The following FZR1 variants were observed in gnomAD, a reference collection of about 807,000 sequenced individuals.
FZR1 encodes the protein fizzy and cell division cycle 20 related 1.
Under a neutral mutation model 63.6 loss-of-function variants are expected in FZR1, and 11 were observed. The ratio of observed to expected loss-of-function variants is 0.17; its 90% CI spans 0.11 to 0.29. FZR1 has a LOEUF of 0.29. Ranked by LOEUF, FZR1 falls within the 10% of genes least tolerant of loss-of-function variation. FZR1 has a pLI of 1.00. For synonymous variants in FZR1, 328 were observed against 297.9 expected (o/e 1.10, Z -1.04); for missense variants, 440 against 687.5 (o/e 0.64, Z 4.03).
At position 3,508,587 on chromosome 19, in the gene FZR1, A is replaced by C. The variant is rs1276360991; in HGVS notation, c.-35+2113A>C. Among the ~76,000 whole-genome samples, 5 of 152,294 alleles carry C rather than the reference A, an allele frequency of 3.3e-5. No homozygotes were observed. In the East Asian group the frequency reaches 9.6e-4, roughly 29 times the overall value. On this transcript the variant is annotated intron_variant, in intron 1 of 13. Coordinates refer to ENST00000441788, the MANE Select transcript of FZR1 (RefSeq NM_016263.4). ...GAACTTCTGGGTTTGGGAGTCCCAG[A>C]ATGGAATTGGTTCTGAGGACCTTTT... is the stretch of plus-strand genomic sequence containing the variant.
At chr19:3,530,424 A>G (rs1489455598) in intron 7 of FZR1, among the ~76,000 whole-genome samples, 1 of 72,428 alleles carries the variant, frequency 1.4e-5, no homozygotes, top group Non-Finnish European at 3.0e-5. Flanking sequence ...GGGAGAGCGC[A>G]TGGGAGAGCG....
At chr19:3,530,703 TG>T in intron 7 of FZR1, 88 bp from the exon 8 acceptor site, 1 of 906,926 alleles carries the variant, frequency 1.1e-6, no homozygotes, top group Non-Finnish European at 1.8e-6. Flanking sequence ...TGAGAGTGGA[TG>T]GGTGAGACAG....
intron 1 of FZR1, among the ~76,000 whole-genome samples, chr19:3,510,974 A>G (rs146998296): frequency 3.3e-5 from 5 of 152,286 alleles, no homozygotes; most frequent in African/African-American, 1.2e-4. Flanking sequence ...CTGGGTTTCT[A>G]TTGCTACCGC....
chr19:3,527,851 C>T (rs768053118), intron 7 of FZR1, 37 bp downstream of exon 7: 9 of 1,512,654 alleles, frequency 5.9e-6, no homozygotes, highest in Non-Finnish European at 8.2e-6. Flanking sequence ...GCATGGGGGC[C>T]TCCCCAGCTC....
At chr19:3,534,658 G>A in intron 13 of FZR1, 137 bp from the exon 14 acceptor site, 2 of 911,994 alleles carry the variant, frequency 2.2e-6, no homozygotes, top group Non-Finnish European at 1.8e-6. Context: ...TCATGTGTCG[G>A]GGCAGTGTGG....
In FZR1 at chr19:3,533,686, CA is replaced by C. The variant is rs2083269735; in HGVS notation, c.1347+292del. The C allele has an allele frequency of 1.7e-5, 7 of 402,190 alleles. No individual in the cohort carries two copies. Among genetic ancestry groups the C allele is most frequent in the Non-Finnish European group, 3.2e-5 (7 of 219,204 alleles). 24.9% of individuals were successfully genotyped at this position (402,190 alleles called of 1,614,324 possible). ...CATAAAGAGGGGTGAAGAGGAAAGC[CA>C]AAACCAACTCACAGCTGACCACTCA... On this transcript the variant is annotated intron_variant, in intron 12 of 13. Transcript: ENST00000441788. The surrounding 1 kb of genome is among the most constrained non-coding windows in gnomAD (Gnocchi z 4.9).
At chr19:3,510,795 G>C (rs982929759) in intron 1 of FZR1, among the ~76,000 whole-genome samples, 1 of 152,196 alleles carries the variant, frequency 6.6e-6, no homozygotes, top group African/African-American at 2.4e-5. Flanking sequence ...GCAACACCTC[G>C]GGACATCTGT....
intron 1 of FZR1, among the ~76,000 whole-genome samples, chr19:3,513,939 T>C (rs1021156802): frequency 3.3e-5 from 5 of 152,152 alleles, no homozygotes; most frequent in Non-Finnish European, 7.4e-5. Context: ...TCAATTCCTT[T>C]TGTCCGTTAA....
At chr19:3,517,636 C>T (rs1428671061) in intron 1 of FZR1, among the ~76,000 whole-genome samples, 3 of 151,536 alleles carry the variant, frequency 2.0e-5, no homozygotes, top group Non-Finnish European at 4.4e-5. Context: ...TGCAGTGTGC[C>T]GAGATTGCAC....
rs1275427178 is a variant in FZR1, at chr19:3,534,853, CGTGCCACACCAGCT to C, written c.*20_*33del. On this transcript the variant is annotated 3_prime_UTR_variant, in exon 14 of 14. Transcript: ENST00000441788. ...ATCCGGTAAACCTGCCGGGCAGGAC[CGTGCCACACCAGCT>C]GTCCAGAGTCGGAGGACCCCAGCTC... The C allele has an allele frequency of 1.2e-6, 2 of 1,604,182 alleles. No homozygotes were observed. Among genetic ancestry groups the C allele is most frequent in the African/African-American group, 1.3e-5 (1 of 74,800 alleles).
At chr19:3,524,859 G>C (rs1398030879) in intron 2 of FZR1, among the ~76,000 whole-genome samples, 1 of 152,146 alleles carries the variant, frequency 6.6e-6, no homozygotes, top group Admixed American at 6.5e-5. Context: ...GAGGATGCTT[G>C]TCATCAAATC....
chr19:3,511,940 T>A (rs2083027274), intron 1 of FZR1, among the ~76,000 whole-genome samples: 1 of 152,196 alleles, frequency 6.6e-6, no homozygotes, highest in Non-Finnish European at 1.5e-5. Flanking sequence ...GAGATCTCTG[T>A]GCCTCAGTGG....
chr19:3,510,768 G>A (rs951671029), intron 1 of FZR1, among the ~76,000 whole-genome samples: 5 of 152,124 alleles, frequency 3.3e-5, no homozygotes, highest in South Asian at 4.1e-4. Context: ...GGGTGACTCC[G>A]CCCCCACAGG....
At position 3,530,925 on chromosome 19, in the gene FZR1, G is replaced by A. The variant is rs72976614; in HGVS notation, c.720+68G>A. 3,237 of 1,274,422 alleles carry A rather than the reference G, an allele frequency of 2.5e-3. 11 individuals are homozygous for A. The highest frequency in any genetic ancestry group is 3.1e-3 in the Non-Finnish European group (2,763 of 890,438). 78.9% of individuals were successfully genotyped at this position (1,274,422 alleles called of 1,614,324 possible). On this transcript the variant is annotated intron_variant, in intron 8 of 13. Transcript: ENST00000441788. ...GGCTCTTGACAGTGTTGGGGGCCTT[G>A]AAGACCCAGAGGGTCTAGTGCGTGG...
chr19:3,519,808 G>T (rs1020082114), intron 1 of FZR1, among the ~76,000 whole-genome samples: 1 of 152,176 alleles, frequency 6.6e-6, no homozygotes, highest in East Asian at 1.9e-4. Context: ...TCTCTGCTCC[G>T]CGGTTTCCTT....
At chr19:3,518,693 C>A (rs191182533) in intron 1 of FZR1, among the ~76,000 whole-genome samples, 1 of 152,272 alleles carries the variant, frequency 6.6e-6, no homozygotes, top group East Asian at 1.9e-4. Context: ...TTGTTGGGGG[C>A]CACTTTTACA....
intron 7 of FZR1, among the ~76,000 whole-genome samples, chr19:3,529,106 ATGGGAGAGCG>A (rs1568237397): frequency 2.6e-5 from 2 of 76,350 alleles, no homozygotes; most frequent in African/African-American, 9.6e-5. Flanking sequence ...GGTTGAGCGG[ATGGGAGAGCG>A]GATGGGAGAG....
In FZR1 at chr19:3,516,604, C is replaced by T. The variant is rs1260737472; in HGVS notation, c.-34-6352C>T. Among the ~76,000 whole-genome samples the T allele has an allele frequency of 3.3e-5, 5 of 152,182 alleles. No individual in the cohort carries two copies. The highest frequency in any genetic ancestry group is 1.2e-4 in the African/African-American group (5 of 41,530). On this transcript the variant is annotated intron_variant, in intron 1 of 13. Transcript: ENST00000441788. The surrounding 1 kb of genome is among the most constrained non-coding windows in gnomAD (Gnocchi z 6.0). ...TGTCCAGGTGAGGTGCCCCGGGAGG[C>T]CCCAGGCCCGGGATACAGGACCCTC...
At position 3,527,653 on chromosome 19, in the gene FZR1, C is replaced by A; in HGVS notation, c.493C>A (p.Arg165=). 1.2e-6 allele frequency: 2 copies of A among 1,610,234 alleles called. No homozygotes were observed. The highest frequency in any genetic ancestry group is 2.2e-5 in the East Asian group (1 of 44,880). ...NKSQKLLRSP[R]KPTRKISKIP... ...CAGCCAGAAGCTGCTCCGGTCCCCC[C>A]GGAAACCCACCCGCAAGATCTCCAA... Residue 165 remains arginine (R), a synonymous_variant, in exon 7 of 14, where the codon CGG becomes AGG. Transcript: ENST00000441788.
Sources: gnomAD v4.1 joint callset for allele counts (sites outside exome capture counted in the v4.1 genomes callset) on GRCh38, gnomAD v4.1.1 for gene constraint, Gnocchi (gnomAD v3.1) non-coding constraint, MANE v1.5 for transcripts, NCBI Gene and HGNC (gene_info 2026-07-23, HGNC 2026-07-21) for gene names.